The following GPC5 variants were observed in gnomAD, a reference collection of about 807,000 sequenced individuals.
GPC5 encodes glypican 5.
GPC5 carries 47 observed loss-of-function variants against 53.9 expected under a neutral mutation model. The ratio of observed to expected loss-of-function variants is 0.87; its 90% CI spans 0.69 to 1.11. The LOEUF (loss-of-function observed/expected upper bound fraction) is 1.11, where lower values mean the gene tolerates loss of function less well. Ranked by LOEUF, GPC5 falls within the 50% of genes most tolerant of loss-of-function variation. The probability of loss-of-function intolerance (pLI) is 0.00; values close to 1 mark genes in which losing one functional copy is unlikely to be tolerated. For missense variants in GPC5, 748 were observed against 713.1 expected (o/e 1.05, Z -0.56); for synonymous variants, 286 against 263.3 (o/e 1.09, Z -0.84).
chr13:92,715,306 T>A (rs745381766), intron 7 of GPC5, among the ~76,000 whole-genome samples: 1 of 152,164 alleles, frequency 6.6e-6, no homozygotes, highest in Admixed American at 6.5e-5. Flanking sequence ...GACTGTAAGA[T>A]TGAAAAACTC....
chr13:92,034,999 A>C (rs2040881312), intron 6 of GPC5, among the ~76,000 whole-genome samples: 1 of 152,192 alleles, frequency 6.6e-6, no homozygotes, highest in South Asian at 2.1e-4. Flanking sequence ...CACAGTATTT[A>C]AATACCTTTG....
At chr13:91,977,853 TG>T (rs2040318366) in intron 6 of GPC5, among the ~76,000 whole-genome samples, 1 of 151,994 alleles carries the variant, frequency 6.6e-6, no homozygotes, top group African/African-American at 2.4e-5. Flanking sequence ...GGATCATGCC[TG>T]TAATCTCGGC....
intron 7 of GPC5, among the ~76,000 whole-genome samples, chr13:92,623,227 G>T (rs968347597): frequency 1.3e-5 from 2 of 152,020 alleles, no homozygotes; most frequent in African/African-American, 4.8e-5. Context: ...TTTAGGTAAA[G>T]AGCAAGACTG....
intron 7 of GPC5, among the ~76,000 whole-genome samples, chr13:92,790,131 A>T (rs1876409528): frequency 2.0e-5 from 3 of 152,110 alleles, no homozygotes; most frequent in African/African-American, 7.2e-5. Context: ...GATGGTGCCC[A>T]CCCAGACTGA....
intron 7 of GPC5, among the ~76,000 whole-genome samples, chr13:92,742,556 C>A (rs1490008266): frequency 6.8e-6 from 1 of 147,954 alleles, no homozygotes; most frequent in South Asian, 2.3e-4. Context: ...ACGGTAGTTT[C>A]TTTTGCTGTG....
chr13:91,982,777 G>A (rs530406078), intron 6 of GPC5, among the ~76,000 whole-genome samples: 45 of 152,302 alleles, frequency 3.0e-4, no homozygotes, highest in Admixed American at 2.5e-3. Context: ...GCCAGTCATA[G>A]GTGGCTTTGA....
intron 7 of GPC5, among the ~76,000 whole-genome samples, chr13:92,695,998 C>T (rs1195016288): frequency 6.6e-6 from 1 of 151,990 alleles, no homozygotes; most frequent in Non-Finnish European, 1.5e-5. Context: ...AGTTTCCAGC[C>T]TCATCCACGT....
chr13:92,321,083 T>C (rs1202630126), intron 7 of GPC5, among the ~76,000 whole-genome samples: 1 of 152,150 alleles, frequency 6.6e-6, no homozygotes, highest in Non-Finnish European at 1.5e-5. Flanking sequence ...AAGATATCTC[T>C]GGAGTAAGTT....
intron 7 of GPC5, among the ~76,000 whole-genome samples, chr13:92,629,330 C>T (rs1885159744): frequency 6.6e-6 from 1 of 152,160 alleles, no homozygotes; most frequent in South Asian, 2.1e-4. Context: ...GATATTAAGG[C>T]AGTTTGCCTC....
intron 6 of GPC5, among the ~76,000 whole-genome samples, chr13:92,020,683 C>T (rs1013073178): frequency 4.3e-5 from 6 of 140,650 alleles, no homozygotes; most frequent in African/African-American, 1.0e-4. Context: ...TTAGTTTATT[C>T]TTTTTTTTTT....
At chr13:91,682,829 T>C (rs1010816840) in intron 2 of GPC5, among the ~76,000 whole-genome samples, 3 of 152,168 alleles carry the variant, frequency 2.0e-5, no homozygotes, top group African/African-American at 4.8e-5. Flanking sequence ...ACAGACAAAA[T>C]TGATGCTTAG....
At chr13:92,259,226 G>A (rs566150196) in intron 7 of GPC5, among the ~76,000 whole-genome samples, 3 of 152,178 alleles carry the variant, frequency 2.0e-5, no homozygotes, top group South Asian at 4.2e-4. Flanking sequence ...TTTACTTCTG[G>A]TTTTTAAGTT....
chr13:91,515,510 G>T (rs1203186896), intron 2 of GPC5, among the ~76,000 whole-genome samples: 2 of 152,042 alleles, frequency 1.3e-5, no homozygotes, highest in Non-Finnish European at 2.9e-5. Flanking sequence ...GGCTAACAGT[G>T]GTTAAATAAC....
At chr13:92,204,075 G>C (rs925111621) in intron 7 of GPC5, among the ~76,000 whole-genome samples, 74 of 152,094 alleles carry the variant, frequency 4.9e-4, no homozygotes, top group African/African-American at 1.7e-3. Flanking sequence ...CAGTATGAAA[G>C]GAAAATAAAG....
At chr13:92,158,932 C>T (rs1357964119) in intron 7 of GPC5, among the ~76,000 whole-genome samples, 1 of 152,146 alleles carries the variant, frequency 6.6e-6, no homozygotes, top group Non-Finnish European at 1.5e-5. Flanking sequence ...ATTCTGAAGG[C>T]ACCCAGATGC....
chr13:92,407,581 G>A (rs768543490), intron 7 of GPC5, among the ~76,000 whole-genome samples: 11 of 152,144 alleles, frequency 7.2e-5, no homozygotes, highest in South Asian at 2.1e-4. Context: ...TCACAATAAC[G>A]CTTTTTCTCT....
At chr13:91,565,939 G>C (rs971948418) in intron 2 of GPC5, among the ~76,000 whole-genome samples, 1 of 152,040 alleles carries the variant, frequency 6.6e-6, no homozygotes, top group Non-Finnish European at 1.5e-5. Flanking sequence ...TTATCTTGTA[G>C]ACCCATGATT....
At position 92,377,632 on chromosome 13, in the gene GPC5, A is replaced by G. The variant is rs567988511; in HGVS notation, c.1561+232643A>G. Among the ~76,000 whole-genome samples, 11 of 152,330 alleles carry G rather than the reference A, an allele frequency of 7.2e-5. No homozygotes were observed. In the East Asian group the frequency reaches 1.7e-3, roughly 24 times the overall value. ...AAGCATACTAACTTATGAAAAATTCATATGTCCTTATCTGAATTTTCTACA... is the reference window on the plus strand; with the variant it reads ...AAGCATACTAACTTATGAAAAATTCGTATGTCCTTATCTGAATTTTCTACA... On this transcript the variant is annotated intron_variant, in intron 7 of 7. Coordinates refer to ENST00000377067, the MANE Select transcript of GPC5 (RefSeq NM_004466.6).
intron 2 of GPC5, among the ~76,000 whole-genome samples, chr13:91,673,736 T>G (rs2035304316): frequency 6.6e-6 from 1 of 152,160 alleles, no homozygotes; most frequent in African/African-American, 2.4e-5. Flanking sequence ...GATTTAGCAC[T>G]TGCCCATAGC....
Sources: gnomAD v4.1 joint callset for allele counts (sites outside exome capture counted in the v4.1 genomes callset) on GRCh38, gnomAD v4.1.1 for gene constraint, MANE v1.5 for transcripts, NCBI Gene and HGNC (gene_info 2026-07-23, HGNC 2026-07-21) for gene names.